Variants in RIT2 observed in about 807,000 individuals in gnomAD.
The protein encoded by RIT2 is Ras like without CAAX 2.
Under a neutral mutation model 23.7 loss-of-function variants are expected in RIT2, and 24 were observed. The observed-to-expected ratio is 1.01, with a 90% CI of 0.73 to 1.43. The LOEUF is 1.43. Among genes scored for constraint, RIT2 ranks in the 40% most tolerant of loss-of-function variants. The pLI is 0.00. For synonymous variants in RIT2, 107 were observed against 91.1 expected, an observed-to-expected ratio of 1.17 and a Z score of -0.99; for missense variants, 236 against 266.9, an observed-to-expected ratio of 0.88 and a Z score of 0.81.
At position 42,866,524 on chromosome 18, in the gene RIT2, A is replaced by G. The variant is rs188109369; in HGVS notation, c.426+57048T>C. Among the ~76,000 whole-genome samples the G allele has an allele frequency of 6.5e-4, 98 of 151,860 alleles. No homozygotes were observed. In the Middle Eastern group the frequency reaches 0.014, roughly 21 times the overall value. On this transcript the variant is annotated intron_variant, in intron 4 of 4. Transcript: ENST00000326695. ...CAAATCAGGCATCTATTCCCCCATT[A>G]TTCCTATTGAAAATGGCAGAATTAT...
At chr18:42,917,059 G>A (rs1908929133) in intron 4 of RIT2, among the ~76,000 whole-genome samples, 1 of 152,130 alleles carries the variant, frequency 6.6e-6, no homozygotes, top group Admixed American at 6.6e-5. Flanking sequence ...TGTGACATCA[G>A]GCAAGGAGGC....
chr18:42,997,343 T>A (rs1911008086), intron 2 of RIT2, among the ~76,000 whole-genome samples: 2 of 151,722 alleles, frequency 1.3e-5, no homozygotes, highest in South Asian at 4.2e-4. Context: ...TATGACTGCA[T>A]TTGGGGGGGA....
chr18:42,940,899 T>C (rs1482641851), intron 3 of RIT2, among the ~76,000 whole-genome samples: 4 of 152,140 alleles, frequency 2.6e-5, no homozygotes, highest in African/African-American at 9.6e-5. Flanking sequence ...TCATTTGTTT[T>C]ATGGTACAAA....
chr18:42,945,492 A>G (rs1370171393), intron 3 of RIT2, among the ~76,000 whole-genome samples: 4 of 152,204 alleles, frequency 2.6e-5, no homozygotes, highest in African/African-American at 9.6e-5. Context: ...CAGGCTGAAC[A>G]TGCGTCCAAG....
At chr18:43,041,553 A>G (rs544468158) in intron 1 of RIT2, among the ~76,000 whole-genome samples, 11 of 152,168 alleles carry the variant, frequency 7.2e-5, no homozygotes, top group Non-Finnish European at 1.5e-4. Context: ...TAAAATATTC[A>G]TTAAGTACAT....
rs575070556 is a variant in RIT2, at chr18:43,026,479, G to A, written c.160+7332C>T. 1.2e-4 allele frequency among the ~76,000 whole-genome samples: 18 copies of A among 151,434 alleles called. No homozygotes were observed. In the South Asian group the frequency reaches 3.5e-3, roughly 30 times the overall value. On this transcript the variant is annotated intron_variant, in intron 2 of 4. Transcript: ENST00000326695. The stretch of plus-strand genomic sequence containing the variant: ...TGAAGTAGGAGAATCACTTGAACCC[G>A]GGAGGCAGAGGGTACAGTGAGTTGA...
intron 4 of RIT2, among the ~76,000 whole-genome samples, chr18:42,761,232 T>C (rs1226848539): frequency 6.6e-6 from 1 of 152,204 alleles, no homozygotes; most frequent in Non-Finnish European, 1.5e-5. Flanking sequence ...CTTGGACTTG[T>C]CTTTTTTTGT....
chr18:43,051,152 T>C (rs965410832), intron 1 of RIT2, among the ~76,000 whole-genome samples: 3 of 152,096 alleles, frequency 2.0e-5, no homozygotes, highest in African/African-American at 7.2e-5. Context: ...GTGTCCCCCC[T>C]GACTTAGAGG....
At chr18:43,002,018 A>C (rs1362491321) in intron 2 of RIT2, among the ~76,000 whole-genome samples, 2 of 151,976 alleles carry the variant, frequency 1.3e-5, no homozygotes, top group East Asian at 3.9e-4. Context: ...ATTGGCTCAC[A>C]CAAGCCCAAG....
chr18:43,041,045 AAATT>A (rs1912117314), intron 1 of RIT2, among the ~76,000 whole-genome samples: 1 of 152,154 alleles, frequency 6.6e-6, no homozygotes, highest in African/African-American at 2.4e-5. Context: ...TTGCTTTTAA[AAATT>A]AATTATCTAG....
chr18:42,955,256 T>C (rs757294385), intron 3 of RIT2, among the ~76,000 whole-genome samples: 3 of 152,140 alleles, frequency 2.0e-5, no homozygotes, highest in Non-Finnish European at 2.9e-5. Flanking sequence ...GCAAACCAAA[T>C]TGTATGCAGA....
At chr18:42,949,647 A>G (rs1412605680) in intron 3 of RIT2, among the ~76,000 whole-genome samples, 1 of 152,088 alleles carries the variant, frequency 6.6e-6, no homozygotes, top group African/African-American at 2.4e-5. Flanking sequence ...CCTCAGCTCT[A>G]TTTAACTATT....
intron 4 of RIT2, among the ~76,000 whole-genome samples, chr18:42,892,375 C>T (rs1410190301): frequency 6.6e-6 from 1 of 152,136 alleles, no homozygotes; most frequent in Non-Finnish European, 1.5e-5. Flanking sequence ...TATTTTAATA[C>T]TATCTTAATT....
intron 2 of RIT2, among the ~76,000 whole-genome samples, chr18:43,011,874 T>C (rs1253022879): frequency 1.3e-5 from 2 of 151,886 alleles, no homozygotes; most frequent in Non-Finnish European, 2.9e-5. Flanking sequence ...AATAATTTCA[T>C]ATTCCTCTTA....
intron 3 of RIT2, chr18:42,949,069 A>T (rs544473756): frequency 3.5e-5 from 14 of 397,586 alleles, no homozygotes; most frequent in African/African-American, 2.9e-4. Flanking sequence ...ATTAAAATAG[A>T]GAGTGCTGCA....
chr18:43,009,135 T>C (rs1055142608), intron 2 of RIT2, among the ~76,000 whole-genome samples: 31 of 151,764 alleles, frequency 2.0e-4, no homozygotes, highest in Admixed American at 1.3e-3. Context: ...CCCATCGCAA[T>C]GTCAGTAAAG....
Position 43,115,570 on chromosome 18 carries a change from GGT to G in RIT2, c.-53_-52del. ...AAGAAGGAGAAAGTCACCCGTGTCA[GGT>G]GCTTGCTCGAATATTAAGCAACTCT... is the stretch of plus-strand genomic sequence containing the variant. On this transcript the variant is annotated 5_prime_UTR_variant, in exon 1 of 5. Coordinates refer to ENST00000326695, the MANE Select transcript of RIT2 (RefSeq NM_002930.4). 1 of 1,586,350 alleles carries G rather than the reference GGT, an allele frequency of 6.3e-7. No homozygotes were observed. Among genetic ancestry groups the G allele is most frequent in the Non-Finnish European group, 8.5e-7 (1 of 1,171,034 alleles).
chr18:42,800,686 C>A (rs187992156), intron 4 of RIT2, among the ~76,000 whole-genome samples: 2 of 151,960 alleles, frequency 1.3e-5, no homozygotes, highest in African/African-American at 4.8e-5. Flanking sequence ...CCCGCCCCCA[C>A]GCCCAGCTAA....
At chr18:42,988,925 C>T (rs1598739898) in intron 2 of RIT2, among the ~76,000 whole-genome samples, 1 of 152,166 alleles carries the variant, frequency 6.6e-6, no homozygotes, top group Non-Finnish European at 1.5e-5. Flanking sequence ...AAGAGTAATG[C>T]ATGCATGGGA....
Sources: allele counts gnomAD v4.1 joint callset (sites outside exome capture counted in the v4.1 genomes callset), GRCh38; gene constraint gnomAD v4.1.1; transcripts MANE v1.5; gene names NCBI Gene and HGNC (gene_info 2026-07-23, HGNC 2026-07-21).